The following CACNA1S variants were observed in gnomAD, a reference collection of about 807,000 sequenced individuals.
CACNA1S encodes the protein calcium voltage-gated channel subunit alpha1 S, also known as voltage-dependent L-type calcium channel subunit alpha-1S.
A neutral mutation model predicts 207.4 loss-of-function variants in CACNA1S; 126 were observed. The ratio of observed to expected loss-of-function variants is 0.61; its 90% CI spans 0.53 to 0.70. The LOEUF (loss-of-function observed/expected upper bound fraction) is 0.70, where lower values mean the gene tolerates loss of function less well. Ranked by LOEUF, CACNA1S falls within the 30% of genes least tolerant of loss-of-function variation. The probability of loss-of-function intolerance (pLI) is 0.00; values close to 1 mark genes in which losing one functional copy is unlikely to be tolerated. For missense variants in CACNA1S, 2,349 were observed against 2,422.8 expected (o/e 0.97, Z 0.64); for synonymous variants, 960 against 932.7 (o/e 1.03, Z -0.53).
chr1:201,056,931 C>A (rs932283363), intron 28 of CACNA1S, among the ~76,000 whole-genome samples: 2 of 152,154 alleles, frequency 1.3e-5, no homozygotes, highest in African/African-American at 4.8e-5. Flanking sequence ...ACACTGATCC[C>A]TTCTCACAGC....
In CACNA1S at chr1:201,040,334, C is replaced by T. The variant is rs777977731; in HGVS notation, c.5267G>A (p.Ser1756Asn). The change falls in exon 43 of 44, where the codon AGC becomes AAC. Residue 1756 changes from serine to asparagine, a missense_variant. Ser to Asn is a conservative substitution (Grantham distance 46). Coordinates refer to ENST00000362061, the MANE Select transcript of CACNA1S (RefSeq NM_000069.3). ...VESSMPEDRK[S>N]STPGSLHEET... ...CTCATGAAGAGACCCTGGTGTGGAG[C>T]TCTTTCTGTCCTCAGGCATGGAGGA... The T allele has an allele frequency of 2.5e-6, 4 of 1,613,872 alleles. No individual in the cohort carries two copies. The South Asian group carries it at 3.3e-5, about 13-fold the overall frequency.
chr1:201,070,046 G>A (rs1661393925), intron 17 of CACNA1S, among the ~76,000 whole-genome samples: 1 of 152,204 alleles, frequency 6.6e-6, no homozygotes, highest in African/African-American at 2.4e-5. Flanking sequence ...TCTCAGAAAG[G>A]AACCAATAAA....
chr1:201,054,459 A>C, intron 29 of CACNA1S, 46 bp downstream of exon 29: 1 of 1,589,692 alleles, frequency 6.3e-7, no homozygotes, highest in Non-Finnish European at 8.6e-7. Flanking sequence ...GTGGCAGGGC[A>C]GGAGCTGGTG....
At position 201,104,914 on chromosome 1, in the gene CACNA1S, T is replaced by C. The variant is rs145217463; in HGVS notation, c.258+5250A>G. On this transcript the variant is annotated intron_variant, in intron 2 of 43. Coordinates refer to ENST00000362061, the MANE Select transcript of CACNA1S (RefSeq NM_000069.3). The stretch of plus-strand genomic sequence containing the variant: ...GCAGTGATCTAACCTCTCTGCGCTG[T>C]GGTTTACTCCTCTGTACAAATGAGA... Among the ~76,000 whole-genome samples, 1,439 of 152,368 alleles carry C rather than the reference T, an allele frequency of 9.4e-3. 13 individuals carry two copies. The highest frequency in any genetic ancestry group is 0.014 in the Non-Finnish European group (972 of 68,038).
chr1:201,074,840 G>A (rs779439173), intron 13 of CACNA1S, among the ~76,000 whole-genome samples: 21 of 152,312 alleles, frequency 1.4e-4, no homozygotes, highest in Non-Finnish European at 2.5e-4. Context: ...AATCCCATCC[G>A]TTTCCTGTCC....
intron 33 of CACNA1S, 27 bp downstream of exon 33, chr1:201,050,957 C>G (rs1391026340): frequency 6.2e-7 from 1 of 1,613,318 alleles, no homozygotes; most frequent in East Asian, 2.2e-5. Flanking sequence ...AGCCCTCTCC[C>G]TGCCCCGCAG....
intron 36 of CACNA1S, 116 bp downstream of exon 36, chr1:201,048,465 CT>C: frequency 1.1e-6 from 1 of 901,902 alleles, no homozygotes; most frequent in East Asian, 2.6e-5. Flanking sequence ...GGGGTCCTCC[CT>C]CTACTTCTTC....
At position 201,069,774 on chromosome 1, in the gene CACNA1S, G is replaced by T. The variant is rs539516764; in HGVS notation, c.2361-173C>A. The stretch of plus-strand genomic sequence containing the variant: ...TCTGGCTGGACACACAGGGGGCCCT[G>T]ACCTCTCACTCTGTTTCTAAAGCCT... On this transcript the variant is annotated intron_variant, in intron 17 of 43. Transcript: ENST00000362061. Among the ~76,000 whole-genome samples, 4 of 152,238 alleles carry T rather than the reference G, an allele frequency of 2.6e-5. No individual in the cohort carries two copies. In the East Asian group the frequency reaches 7.7e-4, roughly 29 times the overall value.
chr1:201,059,330 G>C (rs773285107), intron 26 of CACNA1S, 31 bp from the exon 27 acceptor site: 49 of 1,474,798 alleles, frequency 3.3e-5, no homozygotes, highest in Non-Finnish European at 4.3e-5. Context: ...CAGTGGGTCA[G>C]GGGGGCCGGG....
intron 3 of CACNA1S, 113 bp downstream of exon 3, chr1:201,093,769 G>C: frequency 7.5e-7 from 1 of 1,332,126 alleles, no homozygotes; most frequent in Non-Finnish European, 1.1e-6. Context: ...CCATGCAGTG[G>C]TTAGCACAAT....
At chr1:201,069,726 G>A in intron 17 of CACNA1S, 125 bp from the exon 18 acceptor site, 3 of 1,180,184 alleles carry the variant, frequency 2.5e-6, no homozygotes, top group South Asian at 1.4e-5. Context: ...GGAGAGAAGT[G>A]CAGCCCTGCA....
rs1558079001 is a variant in CACNA1S, at chr1:201,089,255, C to CAGTAAAAGGCGGG, written c.900+2_900+3insCCCGCCTTTTACT. ...GGTTCTGCAGGCGCGGGCCCAGACCCACCCAGTAAAGGACGTCAGTCCATC... is the reference window on the plus strand; with the variant it reads ...GGTTCTGCAGGCGCGGGCCCAGACCCAGTAAAAGGCGGGACCCAGTAAAGGACGTCAGTCCATC... On this transcript the variant is annotated splice_region_variant and intron_variant, in intron 6 of 43. Transcript: ENST00000362061. The CAGTAAAAGGCGGG allele has an allele frequency of 6.2e-7, 1 of 1,614,132 alleles. No individual in the cohort carries two copies. The highest frequency in any genetic ancestry group is 8.5e-7 in the Non-Finnish European group (1 of 1,179,940).
chr1:201,090,811 T>C (rs1312641094), intron 5 of CACNA1S, among the ~76,000 whole-genome samples: 2 of 152,148 alleles, frequency 1.3e-5, no homozygotes, highest in African/African-American at 2.4e-5. Flanking sequence ...GATGTGAGAG[T>C]CCAGCAGCCT....
In CACNA1S at chr1:201,062,506, G is replaced by C. The variant is rs1402878092; in HGVS notation, c.2862C>G (p.Phe954Leu). The change falls in exon 23 of 44, where the codon TTC becomes TTG. Residue 954 changes from phenylalanine to leucine, a missense_variant. Coordinates refer to ENST00000362061, the MANE Select transcript of CACNA1S (RefSeq NM_000069.3). ...TCTTGGACAAGTCGGTGCACCTGAA[G>C]AACTTCCCCTGCAGCCAGGAAGAGG... ...CIGVQLFKGKFFRCTDLSKMT... is the reference protein window; with the variant it reads ...CIGVQLFKGKLFRCTDLSKMT... The C allele has an allele frequency of 7.2e-7, 1 of 1,388,494 alleles. No individual in the cohort carries two copies. The highest frequency in any genetic ancestry group is 2.8e-5 in the East Asian group (1 of 35,512). The allele number at this position is 1,388,494 out of a possible 1,614,324, so 86.0% of individuals were successfully genotyped here. A position where few individuals can be genotyped will look rare whatever the true frequency, so the allele number is the denominator to read the frequency against.
rs544603494 is a variant in CACNA1S, at chr1:201,079,514, T to C, written c.1394-1410A>G. On this transcript the variant is annotated intron_variant, in intron 10 of 43. Transcript: ENST00000362061. ...AAGCCTCCTCTGCAGATGCATTCTT[T>C]ACATCAGCAAGTATAGGGTCTTCCA... is the stretch of plus-strand genomic sequence containing the variant. Among the ~76,000 whole-genome samples, 7 of 152,194 alleles carry C rather than the reference T, an allele frequency of 4.6e-5. No homozygotes were observed. The South Asian group carries it at 8.3e-4, about 18-fold the overall frequency.
At chr1:201,073,762 G>T in intron 14 of CACNA1S, 120 bp from the exon 15 acceptor site, 1 of 849,884 alleles carries the variant, frequency 1.2e-6, no homozygotes, top group Non-Finnish European at 2.1e-6. Context: ...AGGAGGAGTG[G>T]CATCAGCCCC....
In CACNA1S at chr1:201,045,837, A is replaced by G. The variant is rs574620574; in HGVS notation, c.4668+1278T>C. Among the ~76,000 whole-genome samples the G allele has an allele frequency of 2.6e-5, 4 of 152,092 alleles. No individual in the cohort carries two copies. The East Asian group carries it at 7.7e-4, about 29-fold the overall frequency. ...TTATGCAGGATAACGCCCTTGTAAT[A>G]CACATTTTGCCTTGAATACACACAA... is the stretch of plus-strand genomic sequence containing the variant. On this transcript the variant is annotated intron_variant, in intron 38 of 43. Coordinates refer to ENST00000362061, the MANE Select transcript of CACNA1S (RefSeq NM_000069.3).
In CACNA1S at chr1:201,043,350, T is replaced by G. The variant is rs1660350624; in HGVS notation, c.4979A>C (p.Asn1660Thr). The change falls in exon 40 of 44, where the codon AAT becomes ACT. Residue 1660 changes from asparagine (N) to threonine (T), a missense_variant. Physicochemically the swap from Asn to Thr is moderately conservative, Grantham distance 65. Coordinates refer to ENST00000362061, the MANE Select transcript of CACNA1S (RefSeq NM_000069.3). ...DPRTNPLARA[N>T]TNNANANVAY... is the part of the protein sequence containing the mutation. The stretch of plus-strand genomic sequence containing the variant: ...GACATTGGCGTTGGCATTGTTGGTA[T>G]TGGCACGAGCCAGGGGGTTGGTGCG... 6.2e-7 allele frequency: 1 copy of G among 1,614,088 alleles called. No individual in the cohort carries two copies.
Position 201,050,382 on chromosome 1 carries a change from G to A in CACNA1S, c.4241+7C>T, listed in dbSNP as rs201669589. The A allele has an allele frequency of 6.2e-7, 1 of 1,614,068 alleles. No homozygotes were observed. Among genetic ancestry groups the A allele is most frequent in the South Asian group, 1.1e-5 (1 of 91,066 alleles). On this transcript the variant is annotated splice_region_variant and intron_variant, in intron 34 of 43. Transcript: ENST00000362061. ...GGCCCAGCACAGAGCCTACAGATTG[G>A]ACTCACTTAGCCTCTGGGTCATACT...
Sources: allele counts gnomAD v4.1 joint callset (sites outside exome capture counted in the v4.1 genomes callset), GRCh38; gene constraint gnomAD v4.1.1; transcripts MANE v1.5; gene names NCBI Gene and HGNC (gene_info 2026-07-23, HGNC 2026-07-21).